Variants in KPNA7 observed in about 807,000 individuals in gnomAD.
KPNA7 encodes importin subunit alpha-8.
Under a neutral mutation model 53.7 loss-of-function variants are expected in KPNA7, and 54 were observed. The observed-to-expected ratio is 1.01, with a 90% CI of 0.81 to 1.26. The LOEUF is 1.26. KPNA7 is among the 50% of genes most tolerant of loss of function. KPNA7 has a pLI of 0.00. For synonymous variants in KPNA7, 276 were observed against 259.3 expected (o/e 1.06, Z -0.62); for missense variants, 640 against 644.5 (o/e 0.99, Z 0.07).
chr7:99,208,000 C>T (rs1228747946), intron 1 of KPNA7, among the ~76,000 whole-genome samples, 28 bp downstream of exon 1: 1 of 151,886 alleles, frequency 6.6e-6, no homozygotes, highest in African/African-American at 2.4e-5. Context: ...ACAGCACAGA[C>T]TCCCCGTCCC....
chr7:99,176,624 C>T (rs182060339), intron 10 of KPNA7, among the ~76,000 whole-genome samples: 9 of 152,224 alleles, frequency 5.9e-5, no homozygotes, highest in East Asian at 5.8e-4. Flanking sequence ...CCTGTAATTC[C>T]GGCACTTTGG....
In KPNA7 at chr7:99,195,352, G is replaced by A. The variant is rs748140097; in HGVS notation, c.285-14C>T. On this transcript the variant is annotated splice_polypyrimidine_tract_variant and intron_variant, in intron 4 of 10. Coordinates refer to ENST00000327442, the MANE Select transcript of KPNA7 (RefSeq NM_001145715.3). ...GATAGCATTTTCCTATGCAATGAAAGAGAGGGCAGGGGAGGGGGAGGTCAA... is the reference window on the plus strand; with the variant it reads ...GATAGCATTTTCCTATGCAATGAAAAAGAGGGCAGGGGAGGGGGAGGTCAA... The A allele has an allele frequency of 2.6e-6, 4 of 1,549,654 alleles. No homozygotes were observed. In the Middle Eastern group the frequency reaches 6.7e-4, roughly 259 times the overall value.
chr7:99,178,295 C>T (rs1471940179), intron 9 of KPNA7, among the ~76,000 whole-genome samples: 1 of 152,128 alleles, frequency 6.6e-6, no homozygotes, highest in East Asian at 1.9e-4. Flanking sequence ...TAGGGCCGGG[C>T]GCAGTGTCTC....
rs559236804 is a variant in KPNA7 at position 99,216,939 on chromosome 7, C to CCT, written c.-23-9452_-23-9451dup. The stretch of plus-strand genomic sequence containing the variant: ...TCTTATTAACGGTATTGAGTCGCTT[C>CCT]CTCTGGTTGGGGCATTTCAGGCCAT... On this transcript the variant is annotated intron_variant, in intron 1 of 10. Coordinates refer to the KPNA7 transcript ENST00000681060. 1.2e-4 allele frequency among the ~76,000 whole-genome samples: 19 copies of CCT among 152,252 alleles called. No individual in the cohort carries two copies. The East Asian group carries it at 3.7e-3, about 29-fold the overall frequency.
At position 99,181,306 on chromosome 7, in the gene KPNA7, G is replaced by T. The variant is rs114486493; in HGVS notation, c.1317+577C>A. On this transcript the variant is annotated intron_variant, in intron 9 of 10. Coordinates refer to ENST00000327442, the MANE Select transcript of KPNA7 (RefSeq NM_001145715.3). ...ACTATTAGTGACTGCCCCTTTATCC[G>T]ATTTACTTTATCCATAACTCCCTAC... Among the ~76,000 whole-genome samples the T allele has an allele frequency of 5.9e-3, 892 of 152,058 alleles. 7 individuals are homozygous for T. The highest frequency in any genetic ancestry group is 0.021 in the African/African-American group (871 of 41,454).
At chr7:99,189,613 A>G (rs980421717) in intron 6 of KPNA7, among the ~76,000 whole-genome samples, 3 of 151,480 alleles carry the variant, frequency 2.0e-5, no homozygotes, top group East Asian at 1.9e-4. Context: ...CAGATTCCCA[A>G]TTGTTGGGGT....
At chr7:99,165,997 G>C in the KPNA7 span, among the ~76,000 whole-genome samples, 3 of 152,008 alleles carry the variant, frequency 2.0e-5, no homozygotes, top group Non-Finnish European at 4.4e-5. Flanking sequence ...TTGTTTAAAA[G>C]TGTGCAGCAC....
the KPNA7 span, among the ~76,000 whole-genome samples, chr7:99,167,848 G>A: frequency 1.3e-5 from 2 of 151,860 alleles, no homozygotes; most frequent in African/African-American, 4.8e-5. Flanking sequence ...GGACCACCTA[G>A]TTGCAGGAAA....
intron 6 of KPNA7, among the ~76,000 whole-genome samples, chr7:99,191,850 A>G (rs747670000): frequency 1.3e-5 from 2 of 152,112 alleles, no homozygotes; most frequent in Admixed American, 6.6e-5. Flanking sequence ...GGATTTCGCC[A>G]TATTAGTCAG....
intron 6 of KPNA7, 81 bp from the exon 7 acceptor site, chr7:99,188,644 C>A: frequency 7.3e-7 from 1 of 1,360,600 alleles, no homozygotes; most frequent in African/African-American, 1.4e-5. Flanking sequence ...CATTTCCAAT[C>A]AATACCATAG....
downstream of KPNA7, among the ~76,000 whole-genome samples, chr7:99,170,681 C>T (rs1798755992): frequency 6.6e-6 from 1 of 152,074 alleles, no homozygotes; most frequent in Non-Finnish European, 1.5e-5. Context: ...GACTGCAAGG[C>T]TGATACTTGG....
intron 3 of KPNA7, among the ~76,000 whole-genome samples, chr7:99,201,540 G>A (rs1310538521): frequency 6.6e-6 from 1 of 151,672 alleles, no homozygotes; most frequent in Non-Finnish European, 1.5e-5. Flanking sequence ...GTGGGCACCT[G>A]TAGTCCTAGC....
At chr7:99,158,738 A>G in the KPNA7 span, among the ~76,000 whole-genome samples, 2 of 151,804 alleles carry the variant, frequency 1.3e-5, no homozygotes, top group Non-Finnish European at 2.9e-5. Flanking sequence ...TCCTGACTTC[A>G]AGTGATCCCC....
At chr7:99,151,376 G>A in the KPNA7 span, among the ~76,000 whole-genome samples, 1 of 151,944 alleles carries the variant, frequency 6.6e-6, no homozygotes, top group Non-Finnish European at 1.5e-5. Flanking sequence ...TTATTTGTAT[G>A]CAACTATTAG....
upstream of KPNA7, among the ~76,000 whole-genome samples, chr7:99,211,045 G>T (rs1486260256): frequency 6.6e-6 from 1 of 152,056 alleles, no homozygotes; most frequent in Non-Finnish European, 1.5e-5. Context: ...TAGCAGCCAA[G>T]AATAGTTTTG....
chr7:99,209,682 C>CAAAAAAAAAAAAAAAAAAAAAAAAA (rs60377276), upstream of KPNA7, among the ~76,000 whole-genome samples: 2 of 73,520 alleles, frequency 2.7e-5, no homozygotes, highest in Non-Finnish European at 2.4e-5. Context: ...GACTCCAACT[C>CAAAAAAAAAAAAAAAAAAAAAAAAA]AAAAAAAAAA....
Position 99,188,467 on chromosome 7 carries a change from C to T in KPNA7, c.733G>A (p.Ala245Thr), listed in dbSNP as rs1384143515. The T allele has an allele frequency of 1.9e-6, 3 of 1,551,568 alleles. No individual in the cohort carries two copies. In the African/African-American group the frequency reaches 4.1e-5, roughly 21 times the overall value. ...TGGTGCTGCAGGAGGTGAAGGAGGG[C>T]CGGCAGTATCTGCTTCACCGCAGTG... ...CDTAVKQILP[A>T]LLHLLQHQDS... Residue 245 changes from alanine (A) to threonine (T), a missense_variant, in exon 7 of 11, where the codon GCC becomes ACC. Transcript: ENST00000327442.
At chr7:99,212,046 C>A (rs1791084796), upstream of KPNA7, among the ~76,000 whole-genome samples, 1 of 152,054 alleles carries the variant, frequency 6.6e-6, no homozygotes, top group Non-Finnish European at 1.5e-5. Context: ...GGAGCCCTCA[C>A]ACAAGTTGGC....
At chr7:99,156,627 T>A in the KPNA7 span, among the ~76,000 whole-genome samples, 9 of 152,008 alleles carry the variant, frequency 5.9e-5, no homozygotes, top group South Asian at 1.7e-3. Flanking sequence ...CAGGTTCAAG[T>A]GATTCTCCTG....
Sources: allele counts gnomAD v4.1 joint callset (sites outside exome capture counted in the v4.1 genomes callset), GRCh38; gene constraint gnomAD v4.1.1; transcripts MANE v1.5; gene names NCBI Gene and HGNC (gene_info 2026-07-23, HGNC 2026-07-21).